PXYLP1: variants seen among roughly 807,000 people sequenced by gnomAD.
PXYLP1 encodes acid phosphatase-like 2.
Under a neutral mutation model 37.9 loss-of-function variants are expected in PXYLP1, and 17 were observed. The ratio of observed to expected loss-of-function variants is 0.45; its 90% confidence interval spans 0.31 to 0.67. The LOEUF (loss-of-function observed/expected upper bound fraction) is 0.67, where lower values mean the gene tolerates loss of function less well. PXYLP1 is among the 30% of genes least tolerant of loss of function. The pLI is 0.07. For missense variants in PXYLP1, 511 were observed against 612.0 expected (o/e 0.84, Z 1.74); for synonymous variants, 221 against 232.2 (o/e 0.95, Z 0.44).
chr3:141,232,594 G>C (rs1399286443), intron 1 of PXYLP1, among the ~76,000 whole-genome samples: 2 of 152,262 alleles, frequency 1.3e-5, no homozygotes, highest in Non-Finnish European at 2.9e-5. Flanking sequence ...GGACCGTGTG[G>C]TGTAGACCCA....
At chr3:141,248,643 G>A (rs1160473048) in intron 1 of PXYLP1, among the ~76,000 whole-genome samples, 4 of 83,126 alleles carry the variant, frequency 4.8e-5, no homozygotes, top group African/African-American at 1.2e-4. Context: ...ATACACACGT[G>A]TATATATACA....
At position 141,253,399 on chromosome 3, in the gene PXYLP1, C is replaced by T. The variant is rs548673913; in HGVS notation, c.-53-6724C>T. 3.3e-5 allele frequency among the ~76,000 whole-genome samples: 5 copies of T among 152,318 alleles called. No homozygotes were observed. In the East Asian group the frequency reaches 9.6e-4, roughly 29 times the overall value. On this transcript the variant is annotated intron_variant, in intron 1 of 5. Transcript: ENST00000286353. Reference sequence around the variant, plus strand: ...TGTATCAGTGTTGGATGTATCATCCCCCTCTCTGGCTCCTTTCACAACCCA... The same window carrying T: ...TGTATCAGTGTTGGATGTATCATCCTCCTCTCTGGCTCCTTTCACAACCCA...
intron 2 of PXYLP1, among the ~76,000 whole-genome samples, chr3:141,276,907 C>G (rs1303492149): frequency 6.6e-6 from 1 of 152,146 alleles, no homozygotes; most frequent in East Asian, 1.9e-4. Flanking sequence ...TATGAATAAA[C>G]AATTATGAAA....
chr3:141,267,796 T>C (rs1300849963), intron 2 of PXYLP1, among the ~76,000 whole-genome samples: 1 of 152,138 alleles, frequency 6.6e-6, no homozygotes, highest in Non-Finnish European at 1.5e-5. Context: ...TTCCTAGTTT[T>C]CTTTCAGGGT....
intron 2 of PXYLP1, among the ~76,000 whole-genome samples, chr3:141,269,321 T>A (rs1041336451): frequency 2.0e-5 from 3 of 152,224 alleles, no homozygotes; most frequent in African/African-American, 7.2e-5. Context: ...CAGAAGCACA[T>A]GTTTAGCCTC....
intron 1 of PXYLP1, among the ~76,000 whole-genome samples, chr3:141,246,287 C>T (rs142734694): frequency 2.2e-4 from 33 of 152,340 alleles, no homozygotes; most frequent in African/African-American, 7.0e-4. Flanking sequence ...GCAGACACTA[C>T]CCCTACTGTC....
intron 2 of PXYLP1, among the ~76,000 whole-genome samples, chr3:141,274,869 T>C (rs11715472): frequency 0.84 from 127,890 of 152,148 alleles, 54,278 homozygotes; most frequent in African/African-American, 0.96. Context: ...ACAGTGTTGG[T>C]CAGATTTCGG....
At chr3:141,234,992 C>T (rs916194847) in intron 1 of PXYLP1, 2 of 152,190 alleles carry the variant, frequency 1.3e-5, no homozygotes, top group African/African-American at 4.8e-5. Context: ...GAGAAAGAGA[C>T]ATACTACTAT....
intron 1 of PXYLP1, among the ~76,000 whole-genome samples, chr3:141,254,989 G>A (rs1009486183): frequency 8.5e-5 from 13 of 152,332 alleles, no homozygotes; most frequent in African/African-American, 2.9e-4. Flanking sequence ...TGAAAAATAG[G>A]CCAAGGCTTG....
chr3:141,253,377 A>G (rs1292251791), intron 1 of PXYLP1, among the ~76,000 whole-genome samples: 2 of 152,178 alleles, frequency 1.3e-5, no homozygotes, highest in Non-Finnish European at 2.9e-5. Flanking sequence ...CCCTGCATGT[A>G]TCAGTGTTGG....
intron 5 of PXYLP1, chr3:141,291,683 T>G (rs547763769): frequency 6.5e-6 from 1 of 154,734 alleles, no homozygotes; most frequent in South Asian, 2.0e-4. Flanking sequence ...AATGCATGTG[T>G]GTTGACGAGT....
At position 141,275,691 on chromosome 3, in the gene PXYLP1, C is replaced by T. The variant is rs1288097271; in HGVS notation, c.80-2651C>T. Among the ~76,000 whole-genome samples the T allele has an allele frequency of 2.6e-5, 4 of 152,064 alleles. No individual in the cohort carries two copies. In the East Asian group the frequency reaches 7.7e-4, roughly 29 times the overall value. ...TCCAACTACTGGAAAGAAAGTGGCCCTAGGAGCAACCAAAGGGCTAATGTT... is the reference window on the plus strand; with the variant it reads ...TCCAACTACTGGAAAGAAAGTGGCCTTAGGAGCAACCAAAGGGCTAATGTT... On this transcript the variant is annotated intron_variant, in intron 2 of 5. Transcript: ENST00000286353.
At chr3:141,248,603 A>G (rs199660189) in intron 1 of PXYLP1, among the ~76,000 whole-genome samples, 10 of 77,426 alleles carry the variant, frequency 1.3e-4, no homozygotes, top group African/African-American at 1.9e-4. Context: ...ACGTGTATAT[A>G]TACACACGTA....
At chr3:141,248,773 A>G (rs1283377841) in intron 1 of PXYLP1, among the ~76,000 whole-genome samples, 1 of 54,242 alleles carries the variant, frequency 1.8e-5, no homozygotes, top group Non-Finnish European at 4.2e-5. Context: ...ACACGTGTAT[A>G]TATACACACG....
chr3:141,274,399 G>T (rs1941740749), intron 2 of PXYLP1: 2 of 1,448,966 alleles, frequency 1.4e-6, no homozygotes, highest in Non-Finnish European at 9.1e-7. Context: ...ACCCCCATCT[G>T]CCATGTTTGG....
chr3:141,272,466 T>A (rs574533669), intron 2 of PXYLP1, among the ~76,000 whole-genome samples: 6 of 140,686 alleles, frequency 4.3e-5, no homozygotes, highest in African/African-American at 1.8e-4. Flanking sequence ...AACAAGTTTC[T>A]AGTGTTCGCT....
At chr3:141,262,158 A>G in intron 2 of PXYLP1, 8 of 509,794 alleles carry the variant, frequency 1.6e-5, no homozygotes, top group African/African-American at 4.2e-5. Context: ...TTCACTTCCA[A>G]TTGTGACATA....
intron 1 of PXYLP1, among the ~76,000 whole-genome samples, chr3:141,233,463 CAAA>C (rs5853024): frequency 0.017 from 1,351 of 79,412 alleles, 15 homozygotes; most frequent in African/African-American, 0.061. Context: ...AAAACCCTGT[CAAA>C]AAAAAAAAAA....
intron 2 of PXYLP1, chr3:141,274,078 T>C (rs2148800332): frequency 1.0e-6 from 1 of 988,964 alleles, no homozygotes; most frequent in Non-Finnish European, 1.2e-6. Flanking sequence ...TTCTAATTGT[T>C]CCACAGGACA....
Sources: allele counts gnomAD v4.1 joint callset (sites outside exome capture counted in the v4.1 genomes callset), GRCh38; gene constraint gnomAD v4.1.1; transcripts MANE v1.5; gene names NCBI Gene and HGNC (gene_info 2026-07-23, HGNC 2026-07-21).